Variants in ZNF280C observed in about 807,000 individuals in gnomAD.
The protein encoded by ZNF280C is suppressor of hairy wing homolog 3.
Under a neutral mutation model 53.6 loss-of-function variants are expected in ZNF280C, and 14 were observed. That is an observed-to-expected ratio of 0.26 (90% CI 0.17 to 0.41). The LOEUF (loss-of-function observed/expected upper bound fraction) is 0.41. Ranked by LOEUF, ZNF280C falls within the 10% of genes least tolerant of loss-of-function variation. ZNF280C has a pLI of 1.00. For missense variants in ZNF280C, 416 were observed against 547.1 expected (o/e 0.76, Z 2.39); for synonymous variants, 203 against 181.1 (o/e 1.12, Z -0.97).
intron 8 of ZNF280C, among the ~76,000 whole-genome samples, chrX:130,232,574 CAT>C (rs1056370904): frequency 1.8e-5 from 2 of 111,610 alleles, no homozygotes; most frequent in Admixed American, 9.6e-5. Context: ...GTAGCCAACA[CAT>C]ATGTGCAAAG....
chrX:130,214,576 G>A (rs1474283498), intron 15 of ZNF280C, among the ~76,000 whole-genome samples: 3 of 111,133 alleles, frequency 2.7e-5, no homozygotes, highest in Non-Finnish European at 3.8e-5. Flanking sequence ...ACCTCCTGCA[G>A]GTATCCAAAT....
intron 13 of ZNF280C, among the ~76,000 whole-genome samples, chrX:130,219,345 G>A (rs929563727): frequency 9.1e-6 from 1 of 109,736 alleles, no homozygotes; most frequent in South Asian, 3.9e-4. Context: ...CAATTAGCTG[G>A]ACATCATGCT....
At chrX:130,221,732 T>C (rs924941218) in intron 12 of ZNF280C, among the ~76,000 whole-genome samples, 4 of 112,019 alleles carry the variant, frequency 3.6e-5, no homozygotes, top group African/African-American at 9.7e-5. Flanking sequence ...CTCCAATCAC[T>C]GCTACTATAC....
chrX:130,235,026 G>A (rs1305875741), intron 8 of ZNF280C, among the ~76,000 whole-genome samples: 6 of 110,761 alleles, frequency 5.4e-5, no homozygotes, highest in African/African-American at 2.0e-4. Flanking sequence ...AAGTCACCAC[G>A]GGCAAAAATA....
chrX:130,228,314 G>A (rs1412755060), intron 10 of ZNF280C, among the ~76,000 whole-genome samples: 1 of 111,640 alleles, frequency 9.0e-6, no homozygotes, highest in Non-Finnish European at 1.9e-5. Flanking sequence ...ATGGAGTCTC[G>A]CTCTTGTTGC....
At chrX:130,219,219 G>T (rs910645881) in intron 13 of ZNF280C, among the ~76,000 whole-genome samples, 1 of 111,291 alleles carries the variant, frequency 9.0e-6, no homozygotes, top group Admixed American at 9.5e-5. Context: ...AGGCGTGGTG[G>T]CTCATGCCTG....
At position 130,203,636 on chromosome X, in the gene ZNF280C, C is replaced by T. The variant is rs971613268; in HGVS notation, c.*1341G>A. 3.6e-5 allele frequency: 4 copies of T among 111,467 alleles called. No individual in the cohort carries two copies. The highest frequency in any genetic ancestry group is 9.8e-5 in the African/African-American group (3 of 30,613). 9.2% of individuals were successfully genotyped at this position (111,467 alleles called of 1,213,427 possible). A position where few individuals can be genotyped will look rare whatever the true frequency, so the allele number is the denominator to read the frequency against. On this transcript the variant is annotated 3_prime_UTR_variant, in exon 19 of 19. Transcript: ENST00000370978. ...CAAGATCGCGCCACTGCACTCCAGCCTGGGTGACAGAGCAAGACTCTGTCT... is the reference window on the plus strand; with the variant it reads ...CAAGATCGCGCCACTGCACTCCAGCTTGGGTGACAGAGCAAGACTCTGTCT...
intron 15 of ZNF280C, among the ~76,000 whole-genome samples, chrX:130,213,867 G>A (rs372116552): frequency 8.9e-6 from 1 of 112,610 alleles, no homozygotes; most frequent in Non-Finnish European, 1.9e-5. Flanking sequence ...ATCAAAAAAC[G>A]TGGGTGAATC....
chrX:130,251,878 C>T (rs2032516812), intron 2 of ZNF280C, among the ~76,000 whole-genome samples: 2 of 111,443 alleles, frequency 1.8e-5, no homozygotes, highest in Admixed American at 1.9e-4. Context: ...CTCTGGGAGG[C>T]CGGGGTGGGC....
intron 1 of ZNF280C, among the ~76,000 whole-genome samples, chrX:130,263,621 A>G (rs1281814878): frequency 8.9e-6 from 1 of 111,874 alleles, no homozygotes; most frequent in Non-Finnish European, 1.9e-5. Context: ...AAATGTTCTA[A>G]AATTAACTGT....
In ZNF280C at chrX:130,226,920, A is replaced by G. The variant is rs2032226559; in HGVS notation, c.1249-15T>C. On this transcript the variant is annotated splice_polypyrimidine_tract_variant and intron_variant, in intron 11 of 18. Transcript: ENST00000370978. ...AACTGGCAAACCTAGAAATATAAAGAAGGCTTAGTTTAACTTGATATTTTA... is the reference window on the plus strand; with the variant it reads ...AACTGGCAAACCTAGAAATATAAAGGAGGCTTAGTTTAACTTGATATTTTA... 8.5e-7 allele frequency: 1 copy of G among 1,181,799 alleles called. No individual in the cohort carries two copies. The highest frequency in any genetic ancestry group is 3.0e-5 in the East Asian group (1 of 33,584).
chrX:130,220,266 C>A lies in ZNF280C; in HGVS notation c.1527+83G>T, dbSNP rs1160681. On this transcript the variant is annotated intron_variant, in intron 13 of 18. Transcript: ENST00000370978. ...GAGCTTTCTAACACTAGATCTTATT[C>A]CTTCTATCCATAATAAAAAAAAAAA... is the stretch of plus-strand genomic sequence containing the variant. 389,278 of 902,958 alleles carry A rather than the reference C, an allele frequency of 0.43. 61,429 individuals carry two copies. The highest frequency in any genetic ancestry group is 0.73 in the African/African-American group (34,475 of 47,167). 74.4% of individuals were successfully genotyped at this position (902,958 alleles called of 1,213,427 possible). A position where few individuals can be genotyped will look rare whatever the true frequency, so the allele number is the denominator to read the frequency against.
chrX:130,263,722 T>C (rs2032655460), intron 1 of ZNF280C, among the ~76,000 whole-genome samples: 1 of 111,720 alleles, frequency 9.0e-6, no homozygotes, highest in South Asian at 3.7e-4. Context: ...TGTATCTCAA[T>C]AATGCCATTA....
At chrX:130,241,707 T>C (rs2032392279) in intron 5 of ZNF280C, among the ~76,000 whole-genome samples, 1 of 111,920 alleles carries the variant, frequency 8.9e-6, no homozygotes, top group Non-Finnish European at 1.9e-5. Flanking sequence ...GAGGCTGCAG[T>C]GAGCTATGAT....
intron 9 of ZNF280C, among the ~76,000 whole-genome samples, chrX:130,230,205 T>C (rs1051464717): frequency 1.8e-5 from 2 of 111,872 alleles, no homozygotes. Context: ...CTAGAAAATA[T>C]AAGTTTTTCA....
At chrX:130,208,571 A>C (rs1156904876) in intron 16 of ZNF280C, among the ~76,000 whole-genome samples, 1 of 112,443 alleles carries the variant, frequency 8.9e-6, no homozygotes, top group Non-Finnish European at 1.9e-5. Flanking sequence ...GGTAAAAATC[A>C]AATCGAAGTC....
Position 130,226,627 on chromosome X carries a change from C to T in ZNF280C, c.1395+132G>A, listed in dbSNP as rs778732632. The T allele has an allele frequency of 1.3e-5, 8 of 610,129 alleles. No homozygotes were observed. In the Admixed American group the frequency reaches 3.5e-4, roughly 27 times the overall value. 50.3% of individuals were successfully genotyped at this position (610,129 alleles called of 1,213,427 possible). A position where few individuals can be genotyped will look rare whatever the true frequency, so the allele number is the denominator to read the frequency against. On this transcript the variant is annotated intron_variant, in intron 12 of 18. Transcript: ENST00000370978. ...AATTGTGTCATTCAGAACAACTTTG[C>T]TTTCTGTCCAGAACAAATCTAACCA...
Position 130,229,149 on chromosome X carries a change from C to A in ZNF280C, c.990-15G>T. On this transcript the variant is annotated splice_polypyrimidine_tract_variant and intron_variant, in intron 9 of 18. Coordinates refer to ENST00000370978, the MANE Select transcript of ZNF280C (RefSeq NM_017666.5). ...GGTTCATAAACCTACAAACAATTTGCCAGTAAGAGCAAAAATTCAGACTTA... is the reference window on the plus strand; with the variant it reads ...GGTTCATAAACCTACAAACAATTTGACAGTAAGAGCAAAAATTCAGACTTA... 8.5e-7 allele frequency: 1 copy of A among 1,172,499 alleles called. No homozygotes were observed. The highest frequency in any genetic ancestry group is 1.1e-6 in the Non-Finnish European group (1 of 872,517).
intron 2 of ZNF280C, 86 bp from the exon 3 acceptor site, chrX:130,247,091 A>G (rs1440592188): frequency 2.2e-6 from 2 of 903,614 alleles, no homozygotes; most frequent in African/African-American, 2.0e-5. Flanking sequence ...TTTAAGATGC[A>G]CTGTAATAAT....
Sources: allele counts gnomAD v4.1 joint callset (sites outside exome capture counted in the v4.1 genomes callset), GRCh38; gene constraint gnomAD v4.1.1; transcripts MANE v1.5; gene names NCBI Gene and HGNC (gene_info 2026-07-23, HGNC 2026-07-21).